Variants in RABGAP1L observed in about 807,000 individuals in gnomAD.
The protein encoded by RABGAP1L is RAB GTPase activating protein 1 like.
Under a neutral mutation model 137.7 loss-of-function variants are expected in RABGAP1L, and 63 were observed. That is an observed-to-expected ratio of 0.46 (90% CI 0.37 to 0.56). The LOEUF is 0.56. Among genes scored for constraint, RABGAP1L ranks in the 20% least tolerant of loss-of-function variants. RABGAP1L has a pLI of 0.00. For missense variants in RABGAP1L, 1,095 were observed against 1,244.0 expected (o/e 0.88, Z 1.80); for synonymous variants, 431 against 433.7 (o/e 0.99, Z 0.08).
intron 14 of RABGAP1L, among the ~76,000 whole-genome samples, chr1:174,671,134 C>A (rs536723211): frequency 3.5e-4 from 54 of 152,256 alleles, no homozygotes; most frequent in Non-Finnish European, 2.6e-4. Flanking sequence ...AAATAGTTCA[C>A]CGTTAGTGCA....
intron 13 of RABGAP1L, among the ~76,000 whole-genome samples, chr1:174,456,142 A>G (rs1255789074): frequency 6.6e-6 from 1 of 151,990 alleles, no homozygotes; most frequent in Non-Finnish European, 1.5e-5. Context: ...TTTATGTTGG[A>G]GGTGTGATTT....
intron 13 of RABGAP1L, among the ~76,000 whole-genome samples, chr1:174,456,255 AC>A (rs1234090559): frequency 2.6e-5 from 4 of 152,070 alleles, no homozygotes; most frequent in African/African-American, 9.7e-5. Context: ...TAAAAAATTT[AC>A]CTCTCCTTTT....
At chr1:174,541,526 C>G (rs996941716) in intron 13 of RABGAP1L, among the ~76,000 whole-genome samples, 16 of 152,250 alleles carry the variant, frequency 1.1e-4, no homozygotes, top group Admixed American at 1.0e-3. Flanking sequence ...CCTGTAATCC[C>G]AGCACTTTTG....
At chr1:174,435,607 T>A (rs1373734407) in intron 13 of RABGAP1L, among the ~76,000 whole-genome samples, 1 of 152,136 alleles carries the variant, frequency 6.6e-6, no homozygotes, top group African/African-American at 2.4e-5. Context: ...TAGACTTTCT[T>A]CTTCTCACTG....
intron 13 of RABGAP1L, among the ~76,000 whole-genome samples, chr1:174,473,071 G>T (rs1205954290): frequency 2.6e-5 from 4 of 152,128 alleles, no homozygotes; most frequent in African/African-American, 7.2e-5. Flanking sequence ...CCACACAAAA[G>T]GATATTTTTG....
chr1:174,623,503 A>T (rs566255986), intron 13 of RABGAP1L, among the ~76,000 whole-genome samples: 1 of 152,354 alleles, frequency 6.6e-6, no homozygotes, highest in South Asian at 2.1e-4. Context: ...AAAGCCAGCC[A>T]AGGGAAGAAA....
chr1:174,264,996 C>T (rs1007574775), intron 7 of RABGAP1L, among the ~76,000 whole-genome samples: 7 of 152,086 alleles, frequency 4.6e-5, no homozygotes, highest in African/African-American at 1.7e-4. Context: ...TTTTGTTCAA[C>T]CCTATCTACA....
chr1:174,740,557 C>G (rs984356043), intron 17 of RABGAP1L, among the ~76,000 whole-genome samples: 2 of 152,108 alleles, frequency 1.3e-5, no homozygotes, highest in African/African-American at 4.8e-5. Flanking sequence ...TATGTGAGTT[C>G]TTTGATATAT....
intron 1 of RABGAP1L, among the ~76,000 whole-genome samples, chr1:174,161,457 G>T (rs1226700736): frequency 6.6e-6 from 1 of 152,084 alleles, no homozygotes; most frequent in Non-Finnish European, 1.5e-5. Context: ...GGTCAGGCTG[G>T]TGGAACTGCT....
At chr1:174,854,130 T>C (rs1218647926) in intron 19 of RABGAP1L, among the ~76,000 whole-genome samples, 1 of 152,196 alleles carries the variant, frequency 6.6e-6, no homozygotes, top group East Asian at 1.9e-4. Context: ...CTTAACTAAT[T>C]TGGGCCTCTG....
chr1:174,447,718 A>AT (rs1486941063), intron 13 of RABGAP1L, among the ~76,000 whole-genome samples: 2 of 151,866 alleles, frequency 1.3e-5, no homozygotes, highest in African/African-American at 4.8e-5. Flanking sequence ...TTGGCAATTC[A>AT]TTTTTTTTCT....
rs911032824 is a variant in RABGAP1L, at chr1:174,320,900, T to C, written c.1465+15773T>C. ...AAACAAGAACAGGGTAACAGTGATG[T>C]TCAGGGAACAAGGGAGATAACCATT... On this transcript the variant is annotated intron_variant, in intron 11 of 25. Coordinates refer to ENST00000681986, the MANE Select transcript of RABGAP1L (RefSeq NM_001366446.1). Among the ~76,000 whole-genome samples, 10 of 152,254 alleles carry C rather than the reference T, an allele frequency of 6.6e-5. No individual in the cohort carries two copies. The East Asian group carries it at 1.9e-3, about 29-fold the overall frequency.
At chr1:174,297,098 T>A (rs1677196259) in intron 10 of RABGAP1L, among the ~76,000 whole-genome samples, 1 of 152,186 alleles carries the variant, frequency 6.6e-6, no homozygotes, top group Non-Finnish European at 1.5e-5. Context: ...TGTACTATAT[T>A]GTATTGAAGT....
chr1:174,532,575 A>G (rs1005369514), intron 13 of RABGAP1L, among the ~76,000 whole-genome samples: 6 of 152,188 alleles, frequency 3.9e-5, no homozygotes, highest in African/African-American at 1.4e-4. Context: ...GAAGATTCAT[A>G]AAACTGGGGG....
chr1:174,530,865 G>A (rs1424630362), intron 13 of RABGAP1L, among the ~76,000 whole-genome samples: 1 of 151,632 alleles, frequency 6.6e-6, no homozygotes, highest in South Asian at 2.1e-4. Flanking sequence ...AACATGCAGG[G>A]TATTAAAATC....
chr1:174,350,237 G>A (rs1410895408), intron 11 of RABGAP1L, among the ~76,000 whole-genome samples: 4 of 134,604 alleles, frequency 3.0e-5, no homozygotes, highest in Non-Finnish European at 6.5e-5. Flanking sequence ...GGGCGGAGAC[G>A]CTCCTCACTT....
At chr1:174,921,368 C>G (rs1226056576) in intron 19 of RABGAP1L, among the ~76,000 whole-genome samples, 1 of 152,188 alleles carries the variant, frequency 6.6e-6, no homozygotes, top group Non-Finnish European at 1.5e-5. Flanking sequence ...CCATTGCCCT[C>G]TCTCTTACAA....
At chr1:174,901,462 G>T (rs1339128566) in intron 19 of RABGAP1L, among the ~76,000 whole-genome samples, 1 of 152,140 alleles carries the variant, frequency 6.6e-6, no homozygotes, top group East Asian at 1.9e-4. Context: ...CAGATCTCAT[G>T]AGAACTGTCT....
intron 10 of RABGAP1L, among the ~76,000 whole-genome samples, chr1:174,290,109 C>T (rs1676451237): frequency 6.6e-6 from 1 of 152,124 alleles, no homozygotes; most frequent in Admixed American, 6.5e-5. Context: ...GACTGGGAAA[C>T]CTAGACACCC....
Sources: gnomAD v4.1 joint callset for allele counts (sites outside exome capture counted in the v4.1 genomes callset) on GRCh38, gnomAD v4.1.1 for gene constraint, MANE v1.5 for transcripts, NCBI Gene and HGNC (gene_info 2026-07-23, HGNC 2026-07-21) for gene names.